Variants in CEP112 observed in about 807,000 individuals in gnomAD.
The protein encoded by CEP112 is centrosomal protein of 112 kDa.
Under a neutral mutation model 153.0 loss-of-function variants are expected in CEP112, and 127 were observed. The observed-to-expected ratio is 0.83, with a 90% CI of 0.72 to 0.96. The LOEUF is 0.96. Among genes scored for constraint, CEP112 ranks in the 40% least tolerant of loss-of-function variants. The pLI, the probability that CEP112 is intolerant of heterozygous loss-of-function variation, is 0.00. For synonymous variants in CEP112, 358 were observed against 374.4 expected, an observed-to-expected ratio of 0.96 and a Z score of 0.51; for missense variants, 1,089 against 1,101.2, an observed-to-expected ratio of 0.99 and a Z score of 0.16.
In CEP112 at chr17:66,156,538, G is replaced by A. The variant is rs184174644; in HGVS notation, c.470+18506C>T. On this transcript the variant is annotated intron_variant, in intron 4 of 26. Transcript: ENST00000535342. The stretch of plus-strand genomic sequence containing the variant: ...AAGCTGGACAGAGAATGAGTTTGAC[G>A]AATTTACAGAAGTAGGCTTCAGAAG... Among the ~76,000 whole-genome samples, 182 of 152,198 alleles carry A rather than the reference G, an allele frequency of 1.2e-3. 2 individuals are homozygous for A. The highest frequency in any genetic ancestry group is 9.9e-3 in the Admixed American group (151 of 15,294).
At chr17:65,684,120 T>C (rs2047670581) in intron 24 of CEP112, among the ~76,000 whole-genome samples, 1 of 152,176 alleles carries the variant, frequency 6.6e-6, no homozygotes. Context: ...TCCCATTTAC[T>C]CTATCAGACT....
chr17:65,858,556 A>C (rs1173546913), intron 20 of CEP112, among the ~76,000 whole-genome samples: 1 of 152,086 alleles, frequency 6.6e-6, no homozygotes, highest in Non-Finnish European at 1.5e-5. Flanking sequence ...TGTTATTAAT[A>C]TCTCTCTTTT....
chr17:65,939,544 T>C (rs547867224), intron 18 of CEP112, among the ~76,000 whole-genome samples: 1 of 152,282 alleles, frequency 6.6e-6, no homozygotes, highest in African/African-American at 2.4e-5. Context: ...CAAGAGCTGA[T>C]ACATTAGCCA....
intron 21 of CEP112, among the ~76,000 whole-genome samples, chr17:65,839,484 CT>C (rs1205403406): frequency 6.7e-6 from 1 of 150,204 alleles, no homozygotes; most frequent in Non-Finnish European, 1.5e-5. Flanking sequence ...AAAAAAAAAC[CT>C]CTCAATAAAC....
rs2047333985 is a variant in CEP112 at position 65,678,208 on chromosome 17, T to TA, written c.2697+10920_2697+10921insT. 2.0e-5 allele frequency among the ~76,000 whole-genome samples: 3 copies of TA among 152,176 alleles called. No homozygotes were observed. The South Asian group carries it at 6.2e-4, about 32-fold the overall frequency. ...CTTTCTACCTGTTCACTGAATTCTA[T>TA]GAATTCAGTGCTTAGTAGCTGTCAG... is the stretch of plus-strand genomic sequence containing the variant. On this transcript the variant is annotated intron_variant, in intron 24 of 26. Coordinates refer to ENST00000535342, the MANE Select transcript of CEP112 (RefSeq NM_001199165.4).
chr17:65,674,981 G>A (rs1393592514), intron 24 of CEP112, among the ~76,000 whole-genome samples: 2 of 152,120 alleles, frequency 1.3e-5, no homozygotes, highest in African/African-American at 4.8e-5. Flanking sequence ...TTTTGATATA[G>A]AATAAGTAAT....
chr17:66,155,337 G>A (rs897376856), intron 4 of CEP112, among the ~76,000 whole-genome samples: 3 of 152,098 alleles, frequency 2.0e-5, no homozygotes, highest in African/African-American at 2.4e-5. Context: ...GGACTGTGCC[G>A]TGAGGGACAG....
chr17:65,673,639 T>C (rs1475870545), intron 24 of CEP112, among the ~76,000 whole-genome samples: 1 of 152,032 alleles, frequency 6.6e-6, no homozygotes, highest in East Asian at 1.9e-4. Context: ...AAGAGTTAAA[T>C]GTATGAAACG....
intron 17 of CEP112, among the ~76,000 whole-genome samples, chr17:65,995,448 C>T (rs975288563): frequency 6.6e-6 from 1 of 152,056 alleles, no homozygotes; most frequent in Admixed American, 6.6e-5. Context: ...ATAGCGGCTC[C>T]CTTGGCTGAG....
chr17:65,655,412 C>A, intron 24 of CEP112: 1 of 1,438,118 alleles, frequency 7.0e-7, no homozygotes, highest in Non-Finnish European at 9.8e-7. Flanking sequence ...CAGTACATGA[C>A]ATGAAGATAA....
rs2071480154 is a variant in CEP112 at position 66,157,152 on chromosome 17, G to A, written c.470+17892C>T. ...AGAAAGGTCACGTTACCCACAAAGGGAAGCCCATCAGACTAACATCGGATC... is the reference window on the plus strand; with the variant it reads ...AGAAAGGTCACGTTACCCACAAAGGAAAGCCCATCAGACTAACATCGGATC... On this transcript the variant is annotated intron_variant, in intron 4 of 26. Transcript: ENST00000535342. Among the ~76,000 whole-genome samples the A allele has an allele frequency of 8.5e-5, 13 of 152,166 alleles. No individual in the cohort carries two copies. In the South Asian group the frequency reaches 2.7e-3, roughly 32 times the overall value.
At chr17:66,162,955 C>T (rs189920962) in intron 4 of CEP112, among the ~76,000 whole-genome samples, 1 of 152,186 alleles carries the variant, frequency 6.6e-6, no homozygotes, top group Admixed American at 6.5e-5. Context: ...TATTTATTAA[C>T]ATGGATAAAT....
chr17:65,706,617 A>G (rs1356622659), intron 23 of CEP112, among the ~76,000 whole-genome samples: 1 of 152,118 alleles, frequency 6.6e-6, no homozygotes, highest in Non-Finnish European at 1.5e-5. Context: ...CCTTCCACTC[A>G]CCCCTTTGCC....
chr17:65,732,534 G>T (rs1392689864), intron 23 of CEP112, among the ~76,000 whole-genome samples: 1 of 152,194 alleles, frequency 6.6e-6, no homozygotes, highest in Non-Finnish European at 1.5e-5. Context: ...AGCTTCTCTA[G>T]TAATAAAAGT....
chr17:66,093,584 C>CA lies in CEP112; in HGVS notation c.768+2666dup, dbSNP rs564176516. Among the ~76,000 whole-genome samples, 169 of 131,498 alleles carry CA rather than the reference C, an allele frequency of 1.3e-3. 2 individuals carry two copies. The highest frequency in any genetic ancestry group is 2.3e-3 in the East Asian group (10 of 4,406). The allele number at this position is 131,498 out of a possible 152,430, so 86.3% of individuals were successfully genotyped here. ...AAACAATCCCTCTCTTACTAGGTAC[C>CA]AAAAAAAAAAAACCACTTAGAAATA... On this transcript the variant is annotated intron_variant, in intron 8 of 26. Coordinates refer to ENST00000535342, the MANE Select transcript of CEP112 (RefSeq NM_001199165.4).
intron 17 of CEP112, among the ~76,000 whole-genome samples, chr17:65,971,692 A>G (rs12941435): frequency 0.48 from 72,972 of 152,000 alleles, 18,510 homozygotes; most frequent in East Asian, 0.89. Context: ...ACATGCGTGT[A>G]TATTACATGC....
At chr17:66,005,822 C>A in intron 16 of CEP112, 53 bp from the exon 17 acceptor site, 1 of 1,450,608 alleles carries the variant, frequency 6.9e-7, no homozygotes. Flanking sequence ...AAGTTTACTT[C>A]AAAGAGACAT....
chr17:66,015,489 G>A (rs1027564799), intron 16 of CEP112, among the ~76,000 whole-genome samples: 2 of 152,080 alleles, frequency 1.3e-5, no homozygotes, highest in African/African-American at 4.8e-5. Flanking sequence ...TATATCTTCT[G>A]AGGCTTTGCA....
chr17:65,694,537 G>A (rs1383770105), intron 23 of CEP112, among the ~76,000 whole-genome samples: 1 of 152,154 alleles, frequency 6.6e-6, no homozygotes, highest in Non-Finnish European at 1.5e-5. Context: ...ATCAGAGAAA[G>A]CAGTTGTATT....
Sources: gnomAD v4.1 joint callset for allele counts (sites outside exome capture counted in the v4.1 genomes callset) on GRCh38, gnomAD v4.1.1 for gene constraint, MANE v1.5 for transcripts, NCBI Gene and HGNC (gene_info 2026-07-23, HGNC 2026-07-21) for gene names.